Variants in CNTN3 observed in about 807,000 individuals in gnomAD.
CNTN3 encodes the protein contactin-3.
In CNTN3, 60 loss-of-function variants were observed where a neutral mutation model predicts 119.1. The ratio of observed to expected loss-of-function variants is 0.50; its 90% CI spans 0.41 to 0.62. CNTN3 has a LOEUF of 0.62. Among genes scored for constraint, CNTN3 ranks in the 20% least tolerant of loss-of-function variants. The pLI is 0.00. For synonymous variants in CNTN3, 450 were observed against 438.7 expected (o/e 1.03, Z -0.32); for missense variants, 1,101 against 1,242.4 (o/e 0.89, Z 1.71).
At chr3:74,613,625 T>C (rs956297779) in intron 1 of CNTN3, among the ~76,000 whole-genome samples, 21 of 152,180 alleles carry the variant, frequency 1.4e-4, no homozygotes, top group Non-Finnish European at 2.8e-4. Flanking sequence ...GTACGGAGCT[T>C]TGCACAAGCA....
intron 11 of CNTN3, among the ~76,000 whole-genome samples, chr3:74,355,528 C>A (rs1469946823): frequency 6.6e-6 from 1 of 152,002 alleles, no homozygotes; most frequent in Non-Finnish European, 1.5e-5. Context: ...GGTCTCGGTA[C>A]ACTGCAACCT....
chr3:74,598,399 A>T (rs1479553408), intron 1 of CNTN3, among the ~76,000 whole-genome samples: 1 of 152,098 alleles, frequency 6.6e-6, no homozygotes, highest in Non-Finnish European at 1.5e-5. Context: ...CATATGGATC[A>T]AAGATGAGAT....
At chr3:74,310,921 A>G (rs1407374275) in intron 13 of CNTN3, among the ~76,000 whole-genome samples, 2 of 152,168 alleles carry the variant, frequency 1.3e-5, no homozygotes, top group Admixed American at 1.3e-4. Context: ...TGGACCAAAG[A>G]GAAAGGTTCC....
chr3:74,494,259 C>T (rs914298617), intron 3 of CNTN3, among the ~76,000 whole-genome samples: 2 of 151,944 alleles, frequency 1.3e-5, no homozygotes, highest in Admixed American at 6.6e-5. Flanking sequence ...TTGATCAATA[C>T]GTGTACATCC....
At chr3:74,504,092 C>T (rs926450443) in intron 2 of CNTN3, among the ~76,000 whole-genome samples, 5 of 152,114 alleles carry the variant, frequency 3.3e-5, no homozygotes, top group Admixed American at 6.6e-5. Flanking sequence ...GGGCAAGCTG[C>T]ATCACTCTAC....
intron 19 of CNTN3, among the ~76,000 whole-genome samples, chr3:74,290,535 C>A (rs1702206958): frequency 6.6e-6 from 1 of 152,194 alleles, no homozygotes; most frequent in African/African-American, 2.4e-5. Context: ...ACAAGCCATT[C>A]ATGTATATTC....
chr3:74,599,925 T>C (rs1575859684), intron 1 of CNTN3, among the ~76,000 whole-genome samples: 1 of 152,050 alleles, frequency 6.6e-6, no homozygotes, highest in Admixed American at 6.6e-5. Flanking sequence ...GAGAACATTA[T>C]GTTGAACCTT....
At chr3:74,581,829 A>G (rs114615557) in intron 1 of CNTN3, among the ~76,000 whole-genome samples, 2,067 of 152,328 alleles carry the variant, frequency 0.014, 48 homozygotes, top group African/African-American at 0.047. Context: ...CTTTTTAACC[A>G]AGACACCAAG....
At chr3:74,570,503 A>AG (rs1475226919) in intron 1 of CNTN3, among the ~76,000 whole-genome samples, 1 of 149,536 alleles carries the variant, frequency 6.7e-6, no homozygotes, top group Non-Finnish European at 1.5e-5. Flanking sequence ...GCGGGAAAAA[A>AG]AAATCACAAA....
chr3:74,372,755 G>A (rs1704373468), intron 5 of CNTN3, among the ~76,000 whole-genome samples: 1 of 152,094 alleles, frequency 6.6e-6, no homozygotes, highest in East Asian at 1.9e-4. Context: ...AGGGTTAGAT[G>A]AGAGCTCCCA....
At chr3:74,284,018 C>T (rs898065164) in intron 20 of CNTN3, among the ~76,000 whole-genome samples, 1 of 152,086 alleles carries the variant, frequency 6.6e-6, no homozygotes, top group Non-Finnish European at 1.5e-5. Flanking sequence ...GCTCATTGTA[C>T]TAGCCAATTG....
chr3:74,328,315 A>T (rs1161468265), intron 13 of CNTN3, among the ~76,000 whole-genome samples: 3 of 152,152 alleles, frequency 2.0e-5, no homozygotes, highest in African/African-American at 7.2e-5. Context: ...TATTTTCATG[A>T]CAAAAGGAAA....
chr3:74,507,626 C>CTTTTTT (rs59540461), intron 2 of CNTN3, among the ~76,000 whole-genome samples: 2 of 103,652 alleles, frequency 1.9e-5, no homozygotes, highest in African/African-American at 4.0e-5. Flanking sequence ...TTCTTTCTTT[C>CTTTTTT]TTTTTTTTTT....
intron 9 of CNTN3, among the ~76,000 whole-genome samples, chr3:74,364,870 TTTTCCCCTACAGTTAAAG>T (rs1177030447): frequency 6.6e-6 from 1 of 152,182 alleles, no homozygotes; most frequent in African/African-American, 2.4e-5. Flanking sequence ...CCATTTCACT[TTTTCCCCTACAGTTAAAG>T]TTTCTTAAAA....
chr3:74,338,993 T>C (rs1703464473), intron 11 of CNTN3, among the ~76,000 whole-genome samples: 2 of 152,110 alleles, frequency 1.3e-5, no homozygotes, highest in South Asian at 4.1e-4. Flanking sequence ...CTGGAAAAGA[T>C]AATCAAATAA....
chr3:74,369,254 G>C lies in CNTN3; in HGVS notation c.881C>G (p.Ser294Cys). 1 of 1,610,866 alleles carries C rather than the reference G, an allele frequency of 6.2e-7. No individual in the cohort carries two copies. The highest frequency in any genetic ancestry group is 8.5e-7 in the Non-Finnish European group (1 of 1,178,488). The change falls in exon 8 of 23, where the codon TCC becomes TGC. Residue 294 changes from serine to cysteine, a missense_variant. Transcript: ENST00000263665. ...IPNFQQEDAG[S>C]YECIAENSRG... ...TGAATTCTCAGCAATGCATTCATAG[G>C]AACCTGCATCTTCCTGTTGGAAGTT... is the stretch of plus-strand genomic sequence containing the variant.
At chr3:74,316,066 T>A (rs1702824053) in intron 13 of CNTN3, among the ~76,000 whole-genome samples, 1 of 152,122 alleles carries the variant, frequency 6.6e-6, no homozygotes, top group Non-Finnish European at 1.5e-5. Flanking sequence ...ACTTACAGAA[T>A]GGGAGAAAAT....
chr3:74,557,545 G>T (rs75626151), intron 1 of CNTN3, among the ~76,000 whole-genome samples: 1 of 152,122 alleles, frequency 6.6e-6, no homozygotes, highest in Non-Finnish European at 1.5e-5. Context: ...AGAAGCAGAA[G>T]TAGCCTCAGC....
At chr3:74,460,210 C>T (rs1702340018) in intron 4 of CNTN3, among the ~76,000 whole-genome samples, 2 of 151,966 alleles carry the variant, frequency 1.3e-5, no homozygotes. Flanking sequence ...ACATTTTGAT[C>T]TTCTTTGTTG....
Sources: allele counts gnomAD v4.1 joint callset (sites outside exome capture counted in the v4.1 genomes callset), GRCh38; gene constraint gnomAD v4.1.1; transcripts MANE v1.5; gene names NCBI Gene and HGNC (gene_info 2026-07-23, HGNC 2026-07-21).